Variants in FAM135B observed in about 807,000 individuals in gnomAD.
The protein encoded by FAM135B is family with sequence similarity 135 member B, also known as protein FAM135B.
FAM135B carries 43 observed loss-of-function variants against 127.7 expected under a neutral mutation model. That is an observed-to-expected ratio of 0.34 (90% CI 0.26 to 0.43). The LOEUF is 0.43. Among genes scored for constraint, FAM135B ranks in the 20% least tolerant of loss-of-function variants. FAM135B has a pLI of 1.00. For synonymous variants in FAM135B, 670 were observed against 665.1 expected (o/e 1.01, Z -0.11); for missense variants, 1,558 against 1,725.6 (o/e 0.90, Z 1.72).
intron 3 of FAM135B, among the ~76,000 whole-genome samples, chr8:138,297,393 C>T (rs1044083416): frequency 6.6e-6 from 1 of 152,226 alleles, no homozygotes; most frequent in Non-Finnish European, 1.5e-5. Flanking sequence ...CCCAAAGTCT[C>T]ACCATTTTAG....
At chr8:138,473,670 G>T (rs1003353278) in intron 1 of FAM135B, among the ~76,000 whole-genome samples, 3 of 152,140 alleles carry the variant, frequency 2.0e-5, no homozygotes, top group Non-Finnish European at 4.4e-5. Flanking sequence ...GACAGCTATT[G>T]ATTGCCAATG....
At chr8:138,222,822 G>A (rs1157716709) in intron 7 of FAM135B, among the ~76,000 whole-genome samples, 3 of 151,750 alleles carry the variant, frequency 2.0e-5, no homozygotes, top group Non-Finnish European at 4.4e-5. Context: ...CTTAAATTAT[G>A]GATTATATTT....
At chr8:138,432,132 A>T (rs1276026019) in intron 1 of FAM135B, among the ~76,000 whole-genome samples, 1 of 152,190 alleles carries the variant, frequency 6.6e-6, no homozygotes, top group Non-Finnish European at 1.5e-5. Flanking sequence ...ACATGTATAA[A>T]CAAAGTTGGC....
At chr8:138,251,559 G>A (rs1367533824) in intron 5 of FAM135B, among the ~76,000 whole-genome samples, 1 of 152,130 alleles carries the variant, frequency 6.6e-6, no homozygotes. Flanking sequence ...CTGACTGAAC[G>A]AACAAAAGAA....
At chr8:138,204,497 A>G (rs2129670752) in intron 7 of FAM135B, among the ~76,000 whole-genome samples, 1 of 152,348 alleles carries the variant, frequency 6.6e-6, no homozygotes, top group South Asian at 2.1e-4. Flanking sequence ...ACAGAGAAAG[A>G]GTGAATGAAT....
At chr8:138,438,003 C>T (rs1204238485) in intron 1 of FAM135B, 3 of 152,114 alleles carry the variant, frequency 2.0e-5, no homozygotes, top group Non-Finnish European at 2.9e-5. Flanking sequence ...TTTGATTAGT[C>T]AAAGAACTTA....
intron 3 of FAM135B, among the ~76,000 whole-genome samples, chr8:138,308,459 A>G (rs1034868900): frequency 8.5e-5 from 13 of 152,280 alleles, no homozygotes; most frequent in African/African-American, 2.6e-4. Context: ...ATTCACCTTG[A>G]AGAAGAAATA....
At chr8:138,363,529 C>T (rs79008080) in intron 2 of FAM135B, among the ~76,000 whole-genome samples, 2,092 of 152,136 alleles carry the variant, frequency 0.014, 48 homozygotes, top group African/African-American at 0.047. Flanking sequence ...GGGGTGATAT[C>T]GTATGATTCT....
chr8:138,170,161 G>C (rs1270494676), intron 11 of FAM135B, among the ~76,000 whole-genome samples: 2 of 151,948 alleles, frequency 1.3e-5, no homozygotes, highest in Non-Finnish European at 2.9e-5. Context: ...TGGCTGTCTG[G>C]AGGAAGTTGC....
chr8:138,282,817 G>T (rs1415123093), intron 3 of FAM135B, among the ~76,000 whole-genome samples: 1 of 152,240 alleles, frequency 6.6e-6, no homozygotes, highest in Non-Finnish European at 1.5e-5. Flanking sequence ...TGATCCAGCA[G>T]TTGCACTCCT....
chr8:138,406,220 T>C lies in FAM135B; in HGVS notation c.-19-38218A>G, dbSNP rs530544075. ...GCTGTGCAGAAGCTCTTTAGTTTAA[T>C]TAGATCCCATTTGTCAATTTTGGAT... On this transcript the variant is annotated intron_variant, in intron 1 of 19. Coordinates refer to ENST00000395297, the MANE Select transcript of FAM135B (RefSeq NM_015912.4). Among the ~76,000 whole-genome samples the C allele has an allele frequency of 2.6e-5, 4 of 152,156 alleles. No individual in the cohort carries two copies. In the South Asian group the frequency reaches 6.2e-4, roughly 24 times the overall value.
chr8:138,170,264 C>T (rs13439868), intron 11 of FAM135B, among the ~76,000 whole-genome samples: 120 of 147,442 alleles, frequency 8.1e-4, no homozygotes, highest in African/African-American at 3.0e-3. Context: ...CTCTTGTTGC[C>T]CAGGCTGGAG....
intron 6 of FAM135B, among the ~76,000 whole-genome samples, chr8:138,245,289 T>C (rs1396589248): frequency 1.3e-5 from 2 of 152,168 alleles, no homozygotes; most frequent in East Asian, 3.9e-4. Context: ...CATTATAAAA[T>C]GGGAGTGAAG....
intron 1 of FAM135B, among the ~76,000 whole-genome samples, chr8:138,453,768 C>T (rs1449685927): frequency 6.6e-6 from 1 of 152,122 alleles, no homozygotes; most frequent in Non-Finnish European, 1.5e-5. Flanking sequence ...AATCTCAGCA[C>T]CTTACATGTT....
intron 7 of FAM135B, among the ~76,000 whole-genome samples, chr8:138,220,564 T>C (rs1014485245): frequency 2.0e-5 from 3 of 152,112 alleles, no homozygotes; most frequent in Admixed American, 2.0e-4. Flanking sequence ...TTCATTTAAA[T>C]GAGTAAATAA....
At chr8:138,393,572 A>G (rs1832704110) in intron 1 of FAM135B, among the ~76,000 whole-genome samples, 1 of 152,148 alleles carries the variant, frequency 6.6e-6, no homozygotes. Flanking sequence ...AGGGGTACAG[A>G]TGCATGAACA....
chr8:138,208,985 A>C (rs529355091), intron 7 of FAM135B, among the ~76,000 whole-genome samples: 1 of 152,360 alleles, frequency 6.6e-6, no homozygotes, highest in South Asian at 2.1e-4. Flanking sequence ...GCATGAATAC[A>C]TAAGTTGTTG....
intron 14 of FAM135B, 43 bp from the exon 15 acceptor site, chr8:138,146,093 C>T (rs1453126251): frequency 3.0e-6 from 3 of 993,886 alleles, no homozygotes; most frequent in South Asian, 1.4e-5. Flanking sequence ...CGTAGTTAGT[C>T]ATATAAAAGG....
chr8:138,209,741 C>T (rs1271729484), intron 7 of FAM135B, among the ~76,000 whole-genome samples: 1 of 152,140 alleles, frequency 6.6e-6, no homozygotes, highest in African/African-American at 2.4e-5. Flanking sequence ...TCCCTCAAAC[C>T]CTTAGGAAAG....
Sources: gnomAD v4.1 joint callset for allele counts (sites outside exome capture counted in the v4.1 genomes callset) on GRCh38, gnomAD v4.1.1 for gene constraint, MANE v1.5 for transcripts, NCBI Gene and HGNC (gene_info 2026-07-23, HGNC 2026-07-21) for gene names.